The following TRIT1 variants were observed in gnomAD, a reference collection of about 807,000 sequenced individuals.
TRIT1 encodes the protein tRNA dimethylallyltransferase.
Under a neutral mutation model 51.2 loss-of-function variants are expected in TRIT1, and 43 were observed. That is an observed-to-expected ratio of 0.84 (90% CI 0.66 to 1.08). The LOEUF (loss-of-function observed/expected upper bound fraction) is 1.08. TRIT1 is among the 50% of genes least tolerant of loss of function. TRIT1 has a pLI of 0.00. For synonymous variants in TRIT1, 184 were observed against 203.9 expected, an observed-to-expected ratio of 0.90 and a Z score of 0.83; for missense variants, 528 against 578.4, an observed-to-expected ratio of 0.91 and a Z score of 0.89.
chr1:39,857,471 T>C (rs1260631698), intron 1 of TRIT1, 54 bp from the exon 2 acceptor site: 3 of 1,581,844 alleles, frequency 1.9e-6, no homozygotes, highest in African/African-American at 2.7e-5. Flanking sequence ...AAAAGATGCA[T>C]ACTTAATGAA....
chr1:39,843,605 T>A (rs1642051707), intron 10 of TRIT1, among the ~76,000 whole-genome samples: 1 of 152,216 alleles, frequency 6.6e-6, no homozygotes, highest in East Asian at 1.9e-4. Context: ...ACTACCACTA[T>A]GCCAACAATT....
At chr1:39,869,926 G>A (rs979726655) in intron 1 of TRIT1, among the ~76,000 whole-genome samples, 4 of 152,072 alleles carry the variant, frequency 2.6e-5, no homozygotes, top group Admixed American at 6.5e-5. Context: ...CGCCCCGTCC[G>A]GGAGGCGGGG....
At position 39,847,918 on chromosome 1, in the gene TRIT1, T is replaced by G. The variant is rs536311622; in HGVS notation, c.815+68A>C. The G allele has an allele frequency of 4.2e-4, 606 of 1,459,840 alleles. 5 individuals carry two copies. Among genetic ancestry groups the G allele is most frequent in the Admixed American group, 3.3e-3 (192 of 57,540 alleles). The allele number at this position is 1,459,840 out of a possible 1,614,324, so 90.4% of individuals were successfully genotyped here. A position where few individuals can be genotyped will look rare whatever the true frequency, so the allele number is the denominator to read the frequency against. ...AAACAAGTAGACCCAAAGCCAGTAT[T>G]AGCGTTATGGTCTTTTGATTGTCTG... On this transcript the variant is annotated intron_variant, in intron 6 of 10. Coordinates refer to ENST00000316891, the MANE Select transcript of TRIT1 (RefSeq NM_017646.6).
rs145656107 is a variant in TRIT1 at position 39,843,454 on chromosome 1, C to T, written c.1234+647G>A. On this transcript the variant is annotated intron_variant, in intron 10 of 10. Coordinates refer to ENST00000316891, the MANE Select transcript of TRIT1 (RefSeq NM_017646.6). Reference sequence around the variant, plus strand: ...GTGCAGTGTGACTCTGTGGCAGAGGCAGATCCAGGCTCTAATGCAGGGATA... The same window carrying T: ...GTGCAGTGTGACTCTGTGGCAGAGGTAGATCCAGGCTCTAATGCAGGGATA... Among the ~76,000 whole-genome samples, 43 of 152,290 alleles carry T rather than the reference C, an allele frequency of 2.8e-4. No homozygotes were observed. In the East Asian group the frequency reaches 7.5e-3, roughly 27 times the overall value.
intron 1 of TRIT1, among the ~76,000 whole-genome samples, chr1:39,877,580 G>A (rs1644112650): frequency 6.6e-6 from 1 of 152,064 alleles, no homozygotes; most frequent in South Asian, 2.1e-4. Flanking sequence ...TTTTCTCTTA[G>A]CATATAGTTG....
At position 39,847,531 on chromosome 1, in the gene TRIT1, G is replaced by C. The variant is rs2124587336; in HGVS notation, c.928+17C>G. 3.7e-6 allele frequency: 6 copies of C among 1,612,764 alleles called. No homozygotes were observed. Among genetic ancestry groups the C allele is most frequent in the South Asian group, 1.1e-5 (1 of 91,058 alleles). On this transcript the variant is annotated intron_variant, in intron 7 of 10. Coordinates refer to ENST00000316891, the MANE Select transcript of TRIT1 (RefSeq NM_017646.6). Reference sequence around the variant, plus strand: ...CCCAAAGATGTCCAAGACTAGATTAGATGGAAGAATTCACACCTTTCTTTA... The same window carrying C: ...CCCAAAGATGTCCAAGACTAGATTACATGGAAGAATTCACACCTTTCTTTA...
At chr1:39,845,140 G>C (rs1294637344) in intron 8 of TRIT1, among the ~76,000 whole-genome samples, 1 of 152,220 alleles carries the variant, frequency 6.6e-6, no homozygotes, top group African/African-American at 2.4e-5. Context: ...GCTGGGAACA[G>C]AATCATATCA....
intron 1 of TRIT1, among the ~76,000 whole-genome samples, chr1:39,882,019 C>A (rs974197322): frequency 3.3e-5 from 5 of 152,174 alleles, no homozygotes; most frequent in Admixed American, 1.3e-4. Flanking sequence ...TTATTATGTG[C>A]CATATATTGT....
At chr1:39,851,966 G>GTAA (rs1465584778) in intron 4 of TRIT1, among the ~76,000 whole-genome samples, 10 of 145,560 alleles carry the variant, frequency 6.9e-5, no homozygotes, top group Non-Finnish European at 1.5e-4. Context: ...AAAAAAAAAA[G>GTAA]TAATAATAAT....
chr1:39,847,387 A>G, intron 7 of TRIT1, 90 bp from the exon 8 acceptor site: 1 of 1,468,390 alleles, frequency 6.8e-7, no homozygotes, highest in South Asian at 1.2e-5. Context: ...GGAAAAAGTC[A>G]GCCACGGCAG....
At chr1:39,877,720 A>C (rs1381652240) in intron 1 of TRIT1, among the ~76,000 whole-genome samples, 1 of 152,232 alleles carries the variant, frequency 6.6e-6, no homozygotes, top group South Asian at 2.1e-4. Context: ...AAAAAGACTC[A>C]GACTGAAAAG....
chr1:39,844,338 G>T, intron 9 of TRIT1, 120 bp from the exon 10 acceptor site: 1 of 923,160 alleles, frequency 1.1e-6, no homozygotes, highest in Non-Finnish European at 1.7e-6. Context: ...CAGATGGGCT[G>T]TATACAGATT....
At chr1:39,875,817 A>G (rs1347445836) in intron 1 of TRIT1, among the ~76,000 whole-genome samples, 3 of 152,222 alleles carry the variant, frequency 2.0e-5, no homozygotes, top group African/African-American at 7.2e-5. Context: ...AGGAAAAAGT[A>G]TAAAACAGCA....
At chr1:39,866,017 G>T (rs963347721) in intron 1 of TRIT1, among the ~76,000 whole-genome samples, 2 of 135,578 alleles carry the variant, frequency 1.5e-5, no homozygotes, top group Non-Finnish European at 3.3e-5. Flanking sequence ...GGAAGGAAAA[G>T]AAAAGAAAGA....
At chr1:39,854,814 A>G (rs1428175567) in intron 2 of TRIT1, among the ~76,000 whole-genome samples, 1 of 152,164 alleles carries the variant, frequency 6.6e-6, no homozygotes, top group Non-Finnish European at 1.5e-5. Context: ...ACAGATAATT[A>G]TCTGCTTTAA....
chr1:39,878,833 C>G (rs1644151818), intron 1 of TRIT1, among the ~76,000 whole-genome samples: 1 of 152,202 alleles, frequency 6.6e-6, no homozygotes, highest in Admixed American at 6.6e-5. Flanking sequence ...CAAAGTACAT[C>G]AGGTGGCTTC....
In TRIT1 at chr1:39,852,570, T is replaced by G. The variant is rs1252065138; in HGVS notation, c.560+161A>C. On this transcript the variant is annotated intron_variant, in intron 4 of 10. Coordinates refer to ENST00000316891, the MANE Select transcript of TRIT1 (RefSeq NM_017646.6). ...CAATTATTTATTGAGGGAGTTGAACTGAAGCAATAACTCAGGGCCTCCCAA... is the reference window on the plus strand; with the variant it reads ...CAATTATTTATTGAGGGAGTTGAACGGAAGCAATAACTCAGGGCCTCCCAA... 4 of 773,948 alleles carry G rather than the reference T, an allele frequency of 5.2e-6. No homozygotes were observed. In the African/African-American group the frequency reaches 7.0e-5, roughly 14 times the overall value. 47.9% of individuals were successfully genotyped at this position (773,948 alleles called of 1,614,324 possible).
intron 1 of TRIT1, among the ~76,000 whole-genome samples, chr1:39,880,076 G>A (rs1644204157): frequency 6.6e-6 from 1 of 151,786 alleles, no homozygotes; most frequent in Admixed American, 6.6e-5. Context: ...TCGGGAGGCT[G>A]AGGCAGGACA....
intron 1 of TRIT1, among the ~76,000 whole-genome samples, chr1:39,860,592 T>C (rs1045111966): frequency 6.6e-6 from 1 of 152,156 alleles, no homozygotes; most frequent in Non-Finnish European, 1.5e-5. Context: ...CCACAGTACA[T>C]TAAAGTACAA....
Sources: gnomAD v4.1 joint callset for allele counts (sites outside exome capture counted in the v4.1 genomes callset) on GRCh38, gnomAD v4.1.1 for gene constraint, MANE v1.5 for transcripts, NCBI Gene and HGNC (gene_info 2026-07-23, HGNC 2026-07-21) for gene names.